Variants in CCDC136 observed in about 807,000 individuals in gnomAD.
CCDC136 encodes coiled-coil domain containing 136, also known as coiled-coil domain-containing protein 136.
CCDC136 carries 100 observed loss-of-function variants against 141.2 expected under a neutral mutation model. The ratio of observed to expected loss-of-function variants is 0.71; its 90% confidence interval spans 0.60 to 0.84. The LOEUF (loss-of-function observed/expected upper bound fraction) is 0.84, where lower values mean the gene tolerates loss of function less well. CCDC136 is among the 40% of genes least tolerant of loss of function. The pLI, the probability that CCDC136 is intolerant of heterozygous loss-of-function variation, is 0.00. For synonymous variants in CCDC136, 474 were observed against 531.9 expected, an observed-to-expected ratio of 0.89 and a Z score of 1.50; for missense variants, 1,206 against 1,379.4, an observed-to-expected ratio of 0.87 and a Z score of 1.99.
rs772383686 is a variant in CCDC136 at position 128,806,218 on chromosome 7, C to T, written c.1090-19C>T. The T allele has an allele frequency of 6.5e-7, 1 of 1,539,274 alleles. No individual in the cohort carries two copies. The highest frequency in any genetic ancestry group is 1.2e-5 in the South Asian group (1 of 81,966). The stretch of plus-strand genomic sequence containing the variant: ...GTTTCTTGAGAGTAACTGTTCTACT[C>T]ACATCCTCCCTACCACAGAATGAGG... On this transcript the variant is annotated intron_variant, in intron 7 of 17. Transcript: ENST00000297788.
chr7:128,804,613 C>A, intron 4 of CCDC136, 37 bp from the exon 5 acceptor site: 2 of 1,312,474 alleles, frequency 1.5e-6, no homozygotes, highest in Non-Finnish European at 2.2e-6. Context: ...GCTTTCCTTT[C>A]CTCCCGGTCT....
chr7:128,820,535 A>G (rs1159533448), intron 17 of CCDC136, among the ~76,000 whole-genome samples: 2 of 152,178 alleles, frequency 1.3e-5, no homozygotes, highest in Non-Finnish European at 2.9e-5. Context: ...ATTCTTAGCA[A>G]TGCACATTAG....
chr7:128,810,042 G>A (rs1805472646), intron 11 of CCDC136, 97 bp from the exon 12 acceptor site: 1 of 743,672 alleles, frequency 1.3e-6, no homozygotes, highest in African/African-American at 1.8e-5. Context: ...AGATTCTTCA[G>A]GGAATTGTTC....
chr7:128,793,033 C>T (rs1382172961), intron 1 of CCDC136, among the ~76,000 whole-genome samples: 2 of 152,330 alleles, frequency 1.3e-5, no homozygotes, highest in Middle Eastern at 3.4e-3. Flanking sequence ...AAGTGTTGCA[C>T]GTTGCACATT....
chr7:128,793,983 C>T (rs1264334412), intron 1 of CCDC136, among the ~76,000 whole-genome samples: 5 of 152,208 alleles, frequency 3.3e-5, no homozygotes, highest in African/African-American at 4.8e-5. Flanking sequence ...CCGAAAGATC[C>T]GCTCACTGTC....
At chr7:128,812,457 AC>A in intron 13 of CCDC136, 145 bp downstream of exon 13, 1 of 932,944 alleles carries the variant, frequency 1.1e-6, no homozygotes, top group Non-Finnish European at 1.6e-6. Context: ...GAAGCCCTCT[AC>A]CCATGGCAGC....
At chr7:128,806,170 A>G (rs1393481117) in intron 7 of CCDC136, 67 bp from the exon 8 acceptor site, 1 of 1,404,000 alleles carries the variant, frequency 7.1e-7, no homozygotes, top group African/African-American at 1.4e-5. Flanking sequence ...AAGGAACCCA[A>G]CTGATCCGTA....
upstream of CCDC136, chr7:128,791,434 C>T (rs944224248): frequency 2.4e-6 from 3 of 1,231,360 alleles, no homozygotes; most frequent in Non-Finnish European, 1.0e-6. This position sits in a 1 kb window ranked among gnomAD's most constrained non-coding sequence, Gnocchi z 7.1. Context: ...CGGCTCGGGT[C>T]CCCGGGCTCG....
rs1038627714 is a variant in CCDC136 at position 128,815,941 on chromosome 7, G to A, written c.3363+10G>A. 9.3e-6 allele frequency: 15 copies of A among 1,604,682 alleles called. No homozygotes were observed. The highest frequency in any genetic ancestry group is 1.7e-5 in the Admixed American group (1 of 58,534). On this transcript the variant is annotated intron_variant, in intron 16 of 17. Coordinates refer to ENST00000297788, the MANE Select transcript of CCDC136 (RefSeq NM_022742.5). ...TTCCGAGAGCAAAAAGGTAACCAGA[G>A]CCAAAGCCTAGATCAAGTGGGAAGT...
chr7:128,812,215 A>G lies in CCDC136; in HGVS notation c.2444A>G (p.Lys815Arg), dbSNP rs1181554621. 6.2e-7 allele frequency: 1 copy of G among 1,613,900 alleles called. No homozygotes were observed. Among genetic ancestry groups the G allele is most frequent in the Non-Finnish European group, 8.5e-7 (1 of 1,179,892 alleles). Reference protein sequence around the residue: ...CTTSNSSITYKKSYGSTSSSD... With the variant: ...CTTSNSSITYRKSYGSTSSSD... ...ACCAGCAACAGCAGCATTACCTATA[A>G]GAAGAGTTACGGCAGCACCAGTAGC... The change falls in exon 13 of 18, where the codon AAG becomes AGG. Residue 815 changes from lysine to arginine, a missense_variant. By Grantham distance (26) the Lys-to-Arg change is conservative. Coordinates refer to ENST00000297788, the MANE Select transcript of CCDC136 (RefSeq NM_022742.5).
Position 128,822,019 on chromosome 7 carries a change from TCCTCAG to T in CCDC136, c.*233_*238del. ...CCCATATGTTCCATGTGTCCCCATC[TCCTCAG>T]CCTCAGTCACCCAGGCTGAAAAGGC... is the stretch of plus-strand genomic sequence containing the variant. On this transcript the variant is annotated 3_prime_UTR_variant, in exon 18 of 18. Transcript: ENST00000297788. 8.1e-7 allele frequency: 1 copy of T among 1,227,704 alleles called. No individual in the cohort carries two copies. The highest frequency in any genetic ancestry group is 1.0e-6 in the Non-Finnish European group (1 of 954,914). The allele number at this position is 1,227,704 out of a possible 1,614,324, so 76.1% of individuals were successfully genotyped here.
Position 128,806,222 on chromosome 7 carries a change from T to C in CCDC136, c.1090-15T>C. ...CTTGAGAGTAACTGTTCTACTCACA[T>C]CCTCCCTACCACAGAATGAGGAGCT... On this transcript the variant is annotated splice_polypyrimidine_tract_variant and intron_variant, in intron 7 of 17. Transcript: ENST00000297788. 6.5e-7 allele frequency: 1 copy of C among 1,543,178 alleles called. No individual in the cohort carries two copies. The highest frequency in any genetic ancestry group is 2.0e-5 in the Admixed American group (1 of 50,434).
rs754673003 is a variant in CCDC136, at chr7:128,812,824, C to A, written c.2658C>A (p.Ala886=). ...AAGAGCAGATGGAAAAGTTACTGGC[C>A]AAGCAGAAAGACCTGAAGGAAGAGC... ...QLQEQMEKLL[A]KQKDLKEELD... The change falls in exon 14 of 18, where the codon GCC becomes GCA. Residue 886 remains alanine (A), a synonymous_variant. Coordinates refer to ENST00000297788, the MANE Select transcript of CCDC136 (RefSeq NM_022742.5). The A allele has an allele frequency of 6.8e-6, 11 of 1,613,206 alleles. No individual in the cohort carries two copies. The highest frequency in any genetic ancestry group is 1.6e-4 in the Middle Eastern group (1 of 6,062).
intron 11 of CCDC136, among the ~76,000 whole-genome samples, chr7:128,809,926 T>G (rs971003779): frequency 1.3e-5 from 2 of 152,260 alleles, no homozygotes; most frequent in African/African-American, 4.8e-5. Context: ...GAAGCCACTT[T>G]GTAAACTACA....
In CCDC136 at chr7:128,795,349, A is replaced by G. The variant is rs117651959; in HGVS notation, c.346+581A>G. Among the ~76,000 whole-genome samples, 1,277 of 152,192 alleles carry G rather than the reference A, an allele frequency of 8.4e-3. 9 individuals carry two copies. The highest frequency in any genetic ancestry group is 0.013 in the Non-Finnish European group (865 of 68,012). On this transcript the variant is annotated intron_variant, in intron 3 of 17. Transcript: ENST00000297788. ...GGAAGCAGCAAGGCAGATGCCCCAC[A>G]TTCCACCACACCACCAAATAAAGAG...
In CCDC136 at chr7:128,804,768, C is replaced by G; in HGVS notation, c.782+7C>G. ...CAGATCTGGAGAGTGAGAGGTACAG[C>G]TGTCTCTGGAGAGTGAGAGGTCATG... On this transcript the variant is annotated splice_region_variant and intron_variant, in intron 5 of 17. Coordinates refer to ENST00000297788, the MANE Select transcript of CCDC136 (RefSeq NM_022742.5). 1 of 1,552,846 alleles carries G rather than the reference C, an allele frequency of 6.4e-7. No individual in the cohort carries two copies. Among genetic ancestry groups the G allele is most frequent in the Non-Finnish European group, 8.8e-7 (1 of 1,136,784 alleles).
At chr7:128,820,701 C>T (rs941153486) in intron 17 of CCDC136, among the ~76,000 whole-genome samples, 2 of 152,186 alleles carry the variant, frequency 1.3e-5, no homozygotes, top group African/African-American at 2.4e-5. Context: ...CGGTCTCAAG[C>T]GATCCTCCTC....
Position 128,811,789 on chromosome 7 carries a change from C to T in CCDC136, c.2029-11C>T, listed in dbSNP as rs1475909180. 6.4e-7 allele frequency: 1 copy of T among 1,560,114 alleles called. No homozygotes were observed. The highest frequency in any genetic ancestry group is 2.0e-5 in the Admixed American group (1 of 49,926). On this transcript the variant is annotated splice_polypyrimidine_tract_variant and intron_variant, in intron 12 of 17. Transcript: ENST00000297788. Reference sequence around the variant, plus strand: ...AGAGTAATGATACTGTCTCCCCACCCCTGCCCCCAGCAATCCAAGCTGCTC... The same window carrying T: ...AGAGTAATGATACTGTCTCCCCACCTCTGCCCCCAGCAATCCAAGCTGCTC...
chr7:128,821,819 G>A lies in CCDC136; in HGVS notation c.*26G>A. On this transcript the variant is annotated 3_prime_UTR_variant, in exon 18 of 18. Transcript: ENST00000297788. This position sits in a 1 kb window ranked among gnomAD's most constrained non-coding sequence, Gnocchi z 5.1. ...CACAGAACATGTTTGGGTTGTGGAA[G>A]CCTATGGTATTCTTGGCTATTGCAG... 1 of 1,290,490 alleles carries A rather than the reference G, an allele frequency of 7.7e-7. No individual in the cohort carries two copies. The highest frequency in any genetic ancestry group is 1.0e-6 in the Non-Finnish European group (1 of 989,028). The allele number at this position is 1,290,490 out of a possible 1,614,324, so 79.9% of individuals were successfully genotyped here.
Sources: allele counts gnomAD v4.1 joint callset (sites outside exome capture counted in the v4.1 genomes callset), GRCh38; gene constraint gnomAD v4.1.1; non-coding constraint Gnocchi (gnomAD v3.1); transcripts MANE v1.5; gene names NCBI Gene and HGNC (gene_info 2026-07-23, HGNC 2026-07-21).